The following CRYBG1 variants were observed in gnomAD, a reference collection of about 807,000 sequenced individuals.
CRYBG1 encodes crystallin beta-gamma domain containing 1, also known as beta/gamma crystallin domain-containing protein 1.
CRYBG1 carries 139 observed loss-of-function variants against 189.2 expected under a neutral mutation model. That is an observed-to-expected ratio of 0.73 (90% CI 0.64 to 0.85). The LOEUF (loss-of-function observed/expected upper bound fraction) is 0.85. Ranked by LOEUF, CRYBG1 falls within the 40% of genes least tolerant of loss-of-function variation. CRYBG1 has a pLI of 0.00. For synonymous variants in CRYBG1, 1,023 were observed against 1,017.1 expected (o/e 1.01, Z -0.11); for missense variants, 2,611 against 2,675.8 (o/e 0.98, Z 0.53).
At chr6:106,458,327 T>A (rs146138287) in intron 2 of CRYBG1, among the ~76,000 whole-genome samples, 72 of 152,328 alleles carry the variant, frequency 4.7e-4, no homozygotes, top group Non-Finnish European at 8.7e-4. Context: ...GCCTACAAAG[T>A]TTTTCCATTT....
intron 2 of CRYBG1, among the ~76,000 whole-genome samples, chr6:106,472,486 A>T (rs1003141651): frequency 6.6e-6 from 1 of 152,024 alleles, no homozygotes; most frequent in Non-Finnish European, 1.5e-5. Context: ...TCTATTTTTT[A>T]AAAAACAGTA....
At chr6:106,417,928 G>T (rs1161778610) in intron 1 of CRYBG1, among the ~76,000 whole-genome samples, 1 of 152,286 alleles carries the variant, frequency 6.6e-6, no homozygotes, top group Non-Finnish European at 1.5e-5. Context: ...ATGGATGGCA[G>T]TGTGTTGGCA....
rs181129946 is a variant in CRYBG1, at chr6:106,520,071, G to C, written c.2863G>C (p.Val955Leu). 5 of 1,614,022 alleles carry C rather than the reference G, an allele frequency of 3.1e-6. No homozygotes were observed. In the East Asian group the frequency reaches 1.1e-4, roughly 36 times the overall value. The change falls in exon 4 of 22, where the codon GTC becomes CTC. Residue 955 changes from valine to leucine, a missense_variant. Val to Leu is a conservative substitution (Grantham distance 32). Transcript: ENST00000633556. ...VGSECPSRVL[V>L]QVRSFVLPVE... ...AAGTGAGTGTCCATCCAGAGTCCTCGTCCAGGTCAGGTCCTTCGTGCTCCC... is the reference window on the plus strand; with the variant it reads ...AAGTGAGTGTCCATCCAGAGTCCTCCTCCAGGTCAGGTCCTTCGTGCTCCC...
intron 8 of CRYBG1, among the ~76,000 whole-genome samples, chr6:106,531,302 A>G (rs1287959539): frequency 6.6e-6 from 1 of 152,250 alleles, no homozygotes; most frequent in East Asian, 1.9e-4. Flanking sequence ...AGAAATGAGA[A>G]ACTAAAAACT....
intron 2 of CRYBG1, among the ~76,000 whole-genome samples, chr6:106,466,576 G>A (rs1252065549): frequency 3.9e-5 from 6 of 152,132 alleles, no homozygotes; most frequent in African/African-American, 7.2e-5. Context: ...ATACATTACC[G>A]ACAACTTAAT....
chr6:106,545,374 G>A (rs1279429037), intron 13 of CRYBG1, among the ~76,000 whole-genome samples: 9 of 152,232 alleles, frequency 5.9e-5, no homozygotes, highest in Admixed American at 6.5e-5. Flanking sequence ...TGTACGTGGA[G>A]TTAGCAGTTG....
At position 106,519,873 on chromosome 6, in the gene CRYBG1, T is replaced by A. The variant is rs1773545841; in HGVS notation, c.2665T>A (p.Cys889Ser). The A allele has an allele frequency of 6.2e-7, 1 of 1,614,052 alleles. No homozygotes were observed. Among genetic ancestry groups the A allele is most frequent in the African/African-American group, 1.3e-5 (1 of 74,930 alleles). The part of the protein sequence containing the change: ...PAPGDVPKDT[C>S]VQSPISSFPC... ...TCCTGGGGATGTTCCCAAAGACACA[T>A]GTGTTCAATCACCCATAAGCAGTTT... is the stretch of plus-strand genomic sequence containing the variant. Residue 889 changes from cysteine (C) to serine (S), a missense_variant, in exon 4 of 22, where the codon TGT becomes AGT. Around this residue, in one of 3 missense-constraint regions of CRYBG1, gnomAD observed 1,622 missense variants for 1,735.0 expected, o/e 0.93. Coordinates refer to ENST00000633556, the MANE Select transcript of CRYBG1 (RefSeq NM_001371242.2).
chr6:106,447,261 G>A (rs1400423118), intron 1 of CRYBG1, among the ~76,000 whole-genome samples: 1 of 152,118 alleles, frequency 6.6e-6, no homozygotes, highest in African/African-American at 2.4e-5. Flanking sequence ...TCATCAGGGA[G>A]CCAAGCTTAG....
intron 8 of CRYBG1, among the ~76,000 whole-genome samples, chr6:106,536,178 G>C (rs976745927): frequency 3.9e-5 from 6 of 152,180 alleles, no homozygotes; most frequent in Admixed American, 3.9e-4. Context: ...TCTGTTGCCC[G>C]AATTTCCTAT....
intron 3 of CRYBG1, among the ~76,000 whole-genome samples, chr6:106,514,214 T>C (rs1201523734): frequency 6.6e-6 from 1 of 152,264 alleles, no homozygotes; most frequent in African/African-American, 2.4e-5. Flanking sequence ...GATAAGACCC[T>C]CCCTTCTCAC....
rs1773257829 is a variant in CRYBG1 at position 106,511,610 on chromosome 6, AGT to A, written c.495_496del (p.Ser165ArgfsTer43). On this transcript the variant is annotated frameshift_variant, in exon 3 of 22. Coordinates refer to ENST00000633556, the MANE Select transcript of CRYBG1 (RefSeq NM_001371242.2). LOFTEE classifies it high-confidence loss of function. ...VASPKLPERE[S>X]ERSRSQSSQL... is the part of the protein sequence containing the mutation. ...CTCTCCTAAGCTCCCAGAGAGAGAG[AGT>A]GAGAGGAGCAGATCTCAGAGCAGCC... 1 of 1,535,470 alleles carries A rather than the reference AGT, an allele frequency of 6.5e-7. No individual in the cohort carries two copies. Among genetic ancestry groups the A allele is most frequent in the Non-Finnish European group, 8.7e-7 (1 of 1,146,580 alleles).
In CRYBG1 at chr6:106,448,386, C is replaced by G. The variant is rs1582768230; in HGVS notation, c.174-3308C>G. ...AAGCAAGGGCCGTCCCTGGAACTGTCTGTGATAGTCCTCACCTCCTCTAGC... is the reference window on the plus strand; with the variant it reads ...AAGCAAGGGCCGTCCCTGGAACTGTGTGTGATAGTCCTCACCTCCTCTAGC... On this transcript the variant is annotated intron_variant, in intron 1 of 21. Transcript: ENST00000633556. Among the ~76,000 whole-genome samples the G allele has an allele frequency of 3.3e-5, 5 of 152,306 alleles. 1 individual carries two copies. The Middle Eastern group carries it at 0.01, about 311-fold the overall frequency.
Position 106,571,852 on chromosome 6 carries a change from T to A in CRYBG1, c.*3286T>A, listed in dbSNP as rs1182341536. ...TTTTTATATCAATTACTGGCCAAAA[T>A]GGTGTGTTTATTTTTTAAAGCTTGT... On this transcript the variant is annotated 3_prime_UTR_variant, in exon 22 of 22. Transcript: ENST00000633556. 1 of 579,288 alleles carries A rather than the reference T, an allele frequency of 1.7e-6. No homozygotes were observed. Among genetic ancestry groups the A allele is most frequent in the Non-Finnish European group, 3.1e-6 (1 of 325,584 alleles). 35.9% of individuals were successfully genotyped at this position (579,288 alleles called of 1,614,324 possible). A position where few individuals can be genotyped will look rare whatever the true frequency, so the allele number is the denominator to read the frequency against.
At chr6:106,387,473 C>A (rs1179314483) in intron 1 of CRYBG1, among the ~76,000 whole-genome samples, 2 of 152,180 alleles carry the variant, frequency 1.3e-5, no homozygotes, top group Non-Finnish European at 2.9e-5. Flanking sequence ...CTACAGGCAC[C>A]ATTGCTCCTC....
intron 1 of CRYBG1, among the ~76,000 whole-genome samples, chr6:106,437,894 G>C (rs9486339): frequency 0.11 from 16,842 of 152,222 alleles, 1,067 homozygotes; most frequent in Middle Eastern, 0.2. Flanking sequence ...ACTTGGCTGG[G>C]ATTTAAAGGA....
chr6:106,568,662 G>A lies in CRYBG1; in HGVS notation c.*96G>A, dbSNP rs959763937. The A allele has an allele frequency of 9.7e-6, 8 of 821,462 alleles. No individual in the cohort carries two copies. The highest frequency in any genetic ancestry group is 1.7e-5 in the African/African-American group (1 of 58,518). 50.9% of individuals were successfully genotyped at this position (821,462 alleles called of 1,614,324 possible). On this transcript the variant is annotated 3_prime_UTR_variant, in exon 22 of 22. Coordinates refer to ENST00000633556, the MANE Select transcript of CRYBG1 (RefSeq NM_001371242.2). The stretch of plus-strand genomic sequence containing the variant: ...GGAAGACCAGACTGGAAAGTGGATC[G>A]ACTCCTCCTTCATTGATTCTAAATT...
intron 1 of CRYBG1, among the ~76,000 whole-genome samples, chr6:106,439,860 A>G (rs1184012992): frequency 6.6e-6 from 1 of 152,204 alleles, no homozygotes; most frequent in Non-Finnish European, 1.5e-5. Context: ...TTCCCGGAAA[A>G]CCTAGATGAA....
At chr6:106,530,337 A>G (rs755386078) in intron 8 of CRYBG1, 22 bp downstream of exon 8, 2 of 1,591,072 alleles carry the variant, frequency 1.3e-6, no homozygotes, top group Admixed American at 3.6e-5. Context: ...TTTTTCAAAC[A>G]AATTTTAATG....
intron 2 of CRYBG1, among the ~76,000 whole-genome samples, chr6:106,456,892 C>T (rs1562312317): frequency 6.6e-6 from 1 of 152,134 alleles, no homozygotes; most frequent in Non-Finnish European, 1.5e-5. Flanking sequence ...TGTGACTCCT[C>T]CACTGTTGGG....
Sources: gnomAD v4.1 joint callset for allele counts (sites outside exome capture counted in the v4.1 genomes callset) on GRCh38, gnomAD v4.1.1 for gene constraint, gnomAD v4.1.1 regional missense constraint, MANE v1.5 for transcripts, NCBI Gene and HGNC (gene_info 2026-07-23, HGNC 2026-07-21) for gene names.